NRXN1: variants seen among roughly 807,000 people sequenced by gnomAD.
The protein encoded by NRXN1 is neurexin-1.
A neutral mutation model predicts 150.9 loss-of-function variants in NRXN1; 39 were observed. The observed-to-expected ratio is 0.26, with a 90% CI of 0.20 to 0.34. The LOEUF is 0.34. Among genes scored for constraint, NRXN1 ranks in the 10% least tolerant of loss-of-function variants. NRXN1 has a pLI of 1.00. For synonymous variants in NRXN1, 924 were observed against 757.0 expected (o/e 1.22, Z -3.62); for missense variants, 1,815 against 1,949.9 (o/e 0.93, Z 1.30).
At chr2:50,096,396 T>C (rs1402911014) in intron 18 of NRXN1, among the ~76,000 whole-genome samples, 2 of 152,212 alleles carry the variant, frequency 1.3e-5, no homozygotes, top group Admixed American at 6.5e-5. Context: ...ATTTAAATTA[T>C]ATAAGCAATA....
intron 21 of NRXN1, among the ~76,000 whole-genome samples, chr2:49,994,125 A>G (rs1342097091): frequency 6.6e-6 from 1 of 152,182 alleles, no homozygotes; most frequent in Non-Finnish European, 1.5e-5. Context: ...AGGAAGCAGT[A>G]ATGAAGCATA....
At chr2:50,851,913 A>T (rs1674572736) in intron 5 of NRXN1, among the ~76,000 whole-genome samples, 1 of 152,214 alleles carries the variant, frequency 6.6e-6, no homozygotes, top group Admixed American at 6.5e-5. Context: ...AAAAGGAAAA[A>T]GAGAGTAAGA....
At chr2:50,401,233 A>C (rs1482607683) in intron 17 of NRXN1, among the ~76,000 whole-genome samples, 1 of 152,162 alleles carries the variant, frequency 6.6e-6, no homozygotes, top group African/African-American at 2.4e-5. Context: ...TCTAAAATGG[A>C]AATATTTTAA....
chr2:50,041,131 A>G (rs1690880015), intron 21 of NRXN1, among the ~76,000 whole-genome samples: 1 of 152,200 alleles, frequency 6.6e-6, no homozygotes, highest in Non-Finnish European at 1.5e-5. Context: ...AATTCCTTTG[A>G]CATTTCCTAG....
chr2:50,326,223 A>T (rs2076375993), intron 17 of NRXN1, among the ~76,000 whole-genome samples: 1 of 152,198 alleles, frequency 6.6e-6, no homozygotes, highest in African/African-American at 2.4e-5. Context: ...CTGAAAGATG[A>T]ATTGAATAAA....
intron 21 of NRXN1, among the ~76,000 whole-genome samples, chr2:50,050,600 A>C (rs574500553): frequency 6.6e-6 from 1 of 152,192 alleles, no homozygotes; most frequent in Non-Finnish European, 1.5e-5. Flanking sequence ...TGCTTCATCC[A>C]ACCTGTAAAA....
At chr2:50,277,492 CCTT>C (rs1241997382) in intron 17 of NRXN1, among the ~76,000 whole-genome samples, 3 of 140,978 alleles carry the variant, frequency 2.1e-5, no homozygotes, top group South Asian at 2.4e-4. Flanking sequence ...TCCTTTCTTC[CCTT>C]CTTTTTCCTT....
intron 17 of NRXN1, among the ~76,000 whole-genome samples, chr2:50,366,462 A>G (rs921518989): frequency 6.6e-6 from 1 of 151,968 alleles, no homozygotes; most frequent in Admixed American, 6.6e-5. Flanking sequence ...CTAGTTTAGT[A>G]TTCAATATCC....
chr2:50,727,827 A>C (rs1697576838), intron 5 of NRXN1, among the ~76,000 whole-genome samples: 1 of 152,266 alleles, frequency 6.6e-6, no homozygotes. Flanking sequence ...TGAATAGAGA[A>C]AGGTGGGTAG....
intron 5 of NRXN1, among the ~76,000 whole-genome samples, chr2:50,856,499 G>C (rs1390432152): frequency 5.9e-5 from 9 of 151,884 alleles, no homozygotes; most frequent in African/African-American, 2.2e-4. Context: ...CAAGACAAAA[G>C]CTTTCCCAAG....
intron 21 of NRXN1, among the ~76,000 whole-genome samples, chr2:49,988,623 A>G (rs999620478): frequency 6.9e-4 from 30 of 43,360 alleles, no homozygotes; most frequent in African/African-American, 1.9e-3. Context: ...AACTATTAAA[A>G]AAAAAAAAAA....
chr2:50,650,809 A>C (rs1268142700), intron 5 of NRXN1, among the ~76,000 whole-genome samples: 1 of 152,092 alleles, frequency 6.6e-6, no homozygotes, highest in African/African-American at 2.4e-5. Context: ...TTTAAACCAA[A>C]AATGCCAGTC....
rs568143239 is a variant in NRXN1 at position 50,001,792 on chromosome 2, A to G, written c.4128+51479T>C. On this transcript the variant is annotated intron_variant, in intron 21 of 22. Coordinates refer to ENST00000401669, the MANE Select transcript of NRXN1 (RefSeq NM_001330078.2). ...GACTGATAAGTAATTTCTGCCTCCT[A>G]TATCTACATCTTATTGGAATTTTCT... Among the ~76,000 whole-genome samples the G allele has an allele frequency of 2.3e-3, 354 of 152,186 alleles. 4 individuals carry two copies. Among genetic ancestry groups the G allele is most frequent in the African/African-American group, 8.1e-3 (336 of 41,554 alleles).
chr2:49,921,828 G>T lies in NRXN1; in HGVS notation c.*116C>A. 1 of 998,378 alleles carries T rather than the reference G, an allele frequency of 1.0e-6. No individual in the cohort carries two copies. The allele number at this position is 998,378 out of a possible 1,614,324, so 61.8% of individuals were successfully genotyped here. On this transcript the variant is annotated 3_prime_UTR_variant, in exon 23 of 23. Coordinates refer to ENST00000401669, the MANE Select transcript of NRXN1 (RefSeq NM_001330078.2). ...TTTAAAAAGTCTTTCCTTCCTGATT[G>T]CATTCCCTGTCTTCTTTTGTATGTG...
chr2:50,840,677 A>C (rs969022501), intron 5 of NRXN1, among the ~76,000 whole-genome samples: 2 of 152,288 alleles, frequency 1.3e-5, no homozygotes, highest in East Asian at 1.9e-4. Flanking sequence ...AGCGACATGG[A>C]CAAGTAAAAT....
chr2:50,663,373 G>A (rs1315909191), intron 5 of NRXN1, among the ~76,000 whole-genome samples: 2 of 151,926 alleles, frequency 1.3e-5, no homozygotes, highest in Non-Finnish European at 2.9e-5. Flanking sequence ...GTGCTTCTTA[G>A]ACATTGGTTT....
At chr2:49,958,775 C>T (rs1001202338) in intron 21 of NRXN1, among the ~76,000 whole-genome samples, 1 of 152,140 alleles carries the variant, frequency 6.6e-6, no homozygotes, top group Admixed American at 6.6e-5. Flanking sequence ...TGCTCGTTTA[C>T]TTTTTAGTCT....
chr2:49,980,211 T>G (rs909697986), intron 21 of NRXN1, among the ~76,000 whole-genome samples: 1 of 152,182 alleles, frequency 6.6e-6, no homozygotes, highest in Admixed American at 6.6e-5. Context: ...AAGTTTATTA[T>G]GCATAAGAAC....
chr2:50,887,322 A>G (rs776470844), intron 5 of NRXN1, among the ~76,000 whole-genome samples: 1 of 151,510 alleles, frequency 6.6e-6, no homozygotes, highest in Non-Finnish European at 1.5e-5. Flanking sequence ...AAGCAGCTAA[A>G]TATTTGCAAA....
Sources: gnomAD v4.1 joint callset for allele counts (sites outside exome capture counted in the v4.1 genomes callset) on GRCh38, gnomAD v4.1.1 for gene constraint, MANE v1.5 for transcripts, NCBI Gene and HGNC (gene_info 2026-07-23, HGNC 2026-07-21) for gene names.